Variants in PTPRD observed in about 807,000 individuals in gnomAD.
The protein encoded by PTPRD is protein tyrosine phosphatase receptor type D.
In PTPRD, 34 loss-of-function variants were observed where a neutral mutation model predicts 214.5. The observed-to-expected ratio is 0.16, with a 90% confidence interval of 0.12 to 0.21. The LOEUF (loss-of-function observed/expected upper bound fraction) is 0.21. Ranked by LOEUF, PTPRD falls within the 10% of genes least tolerant of loss-of-function variation. The probability of loss-of-function intolerance (pLI) is 1.00; values close to 1 mark genes in which losing one functional copy is unlikely to be tolerated. For synonymous variants in PTPRD, 1,128 were observed against 845.7 expected (o/e 1.33, Z -5.79); for missense variants, 2,545 against 2,398.7 (o/e 1.06, Z -1.27).
At chr9:10,370,092 T>A (rs7468598) in intron 2 of PTPRD, among the ~76,000 whole-genome samples, 5 of 152,164 alleles carry the variant, frequency 3.3e-5, no homozygotes, top group Middle Eastern at 3.4e-3. Flanking sequence ...GTCTTACAGC[T>A]CACAATGGAA....
At chr9:9,816,048 T>C (rs895022523) in intron 5 of PTPRD, among the ~76,000 whole-genome samples, 2 of 152,146 alleles carry the variant, frequency 1.3e-5, no homozygotes, top group African/African-American at 4.8e-5. Flanking sequence ...AAGGAATGTT[T>C]CAATAAGCAT....
chr9:9,099,819 AC>A (rs1018043885), intron 10 of PTPRD, among the ~76,000 whole-genome samples: 1 of 152,146 alleles, frequency 6.6e-6, no homozygotes, highest in African/African-American at 2.4e-5. Flanking sequence ...TGTGACATCT[AC>A]AGCTGAGATC....
At chr9:10,448,474 T>C (rs957940887) in intron 2 of PTPRD, among the ~76,000 whole-genome samples, 3 of 151,940 alleles carry the variant, frequency 2.0e-5, no homozygotes, top group Non-Finnish European at 4.4e-5. Context: ...ATAAGTATAA[T>C]ACTTAGTGAA....
chr9:10,288,501 G>A (rs1366555757), intron 3 of PTPRD, among the ~76,000 whole-genome samples: 1 of 152,090 alleles, frequency 6.6e-6, no homozygotes, highest in Non-Finnish European at 1.5e-5. Flanking sequence ...CTCACTTATA[G>A]GTCAAGTATA....
chr9:9,026,618 C>T (rs1254649721), intron 10 of PTPRD, among the ~76,000 whole-genome samples: 4 of 151,928 alleles, frequency 2.6e-5, no homozygotes, highest in South Asian at 2.1e-4. Flanking sequence ...CTTTTAAGCC[C>T]GAAGTTCATT....
At chr9:9,405,924 A>T (rs2073127062) in intron 8 of PTPRD, among the ~76,000 whole-genome samples, 1 of 152,006 alleles carries the variant, frequency 6.6e-6, no homozygotes, top group South Asian at 2.1e-4. Context: ...AGAGCTTTGC[A>T]TATTTTCTGC....
intron 14 of PTPRD, among the ~76,000 whole-genome samples, chr9:8,572,430 C>A (rs762621206): frequency 1.3e-5 from 2 of 151,936 alleles, no homozygotes; most frequent in Non-Finnish European, 2.9e-5. Flanking sequence ...CCTGAGTCCA[C>A]AGGGCAGTTA....
intron 3 of PTPRD, among the ~76,000 whole-genome samples, chr9:10,297,768 A>G (rs549389749): frequency 6.6e-6 from 1 of 152,246 alleles, no homozygotes; most frequent in African/African-American, 2.4e-5. Flanking sequence ...CTTTAATTAC[A>G]GCTACTGGAA....
intron 9 of PTPRD, among the ~76,000 whole-genome samples, chr9:9,333,787 A>G (rs1273853672): frequency 1.3e-5 from 2 of 151,962 alleles, no homozygotes; most frequent in East Asian, 3.9e-4. Flanking sequence ...GGAAAACACT[A>G]ATTTGTAGAT....
At chr9:8,573,412 C>T (rs942062681) in intron 14 of PTPRD, among the ~76,000 whole-genome samples, 5 of 151,888 alleles carry the variant, frequency 3.3e-5, no homozygotes, top group African/African-American at 1.2e-4. Flanking sequence ...TGAAGACAGA[C>T]TTAAATTTCT....
At chr9:10,462,983 T>C (rs2098969422) in intron 2 of PTPRD, among the ~76,000 whole-genome samples, 1 of 150,010 alleles carries the variant, frequency 6.7e-6, no homozygotes, top group South Asian at 2.1e-4. Flanking sequence ...TATAAAAATA[T>C]ATATTATATA....
intron 9 of PTPRD, among the ~76,000 whole-genome samples, chr9:9,266,127 T>G (rs1939481245): frequency 6.6e-6 from 1 of 151,394 alleles, no homozygotes. Context: ...TCAAAAATTG[T>G]AAAACAAGAC....
chr9:10,455,504 C>T (rs1788491553), intron 2 of PTPRD, among the ~76,000 whole-genome samples: 1 of 151,686 alleles, frequency 6.6e-6, no homozygotes, highest in South Asian at 2.1e-4. Context: ...TCTGATGCCC[C>T]AGCCACACCT....
At chr9:9,961,726 T>C (rs956489263) in intron 4 of PTPRD, among the ~76,000 whole-genome samples, 10 of 152,134 alleles carry the variant, frequency 6.6e-5, no homozygotes, top group Non-Finnish European at 1.3e-4. Context: ...GATAAGATGA[T>C]GAAATACAGC....
intron 8 of PTPRD, among the ~76,000 whole-genome samples, chr9:9,401,167 C>T (rs1253157642): frequency 6.6e-6 from 1 of 151,982 alleles, no homozygotes; most frequent in East Asian, 1.9e-4. Context: ...CAAATAGGTA[C>T]CCATTCTGGG....
intron 8 of PTPRD, among the ~76,000 whole-genome samples, chr9:9,402,007 G>A (rs983932014): frequency 1.1e-4 from 17 of 152,070 alleles, no homozygotes; most frequent in Non-Finnish European, 2.2e-4. Flanking sequence ...ATAACAGTGT[G>A]AGAATGGACT....
intron 9 of PTPRD, among the ~76,000 whole-genome samples, chr9:9,391,516 C>T (rs1245324020): frequency 6.6e-6 from 1 of 152,122 alleles, no homozygotes. Context: ...GATGAATTTG[C>T]ATATACAATG....
intron 2 of PTPRD, among the ~76,000 whole-genome samples, chr9:10,561,708 T>C (rs1341436609): frequency 6.6e-6 from 1 of 152,126 alleles, no homozygotes; most frequent in Non-Finnish European, 1.5e-5. Flanking sequence ...CCTCAGAAGG[T>C]TTCACTTTTT....
intron 8 of PTPRD, among the ~76,000 whole-genome samples, chr9:9,518,105 C>T (rs2096880144): frequency 1.3e-5 from 2 of 152,096 alleles, no homozygotes; most frequent in Middle Eastern, 3.4e-3. Context: ...AATGACTCTG[C>T]TCATAAAATG....
Sources: gnomAD v4.1 joint callset for allele counts (sites outside exome capture counted in the v4.1 genomes callset) on GRCh38, gnomAD v4.1.1 for gene constraint, MANE v1.5 for transcripts, NCBI Gene and HGNC (gene_info 2026-07-23, HGNC 2026-07-21) for gene names.